Variants in LRP1B observed in about 807,000 individuals in gnomAD.
The protein encoded by LRP1B is low-density lipoprotein receptor-related protein 1B.
In LRP1B, 217 loss-of-function variants were observed where a neutral mutation model predicts 556.6. The ratio of observed to expected loss-of-function variants is 0.39; its 90% CI spans 0.35 to 0.44. The LOEUF (loss-of-function observed/expected upper bound fraction) is 0.44, where lower values mean the gene tolerates loss of function less well. Among genes scored for constraint, LRP1B ranks in the 20% least tolerant of loss-of-function variants. LRP1B has a pLI of 1.00. For missense variants in LRP1B, 5,053 were observed against 5,620.8 expected (o/e 0.90, Z 3.23); for synonymous variants, 2,047 against 1,865.8 (o/e 1.10, Z -2.50).
Position 140,353,572 on chromosome 2 carries a change from C to A in LRP1B, c.11531-500G>T, listed in dbSNP as rs75674200. ...TTTCATCCCGTAATGCCCTTGCCCA[C>A]TTTTCCATACAGAATTTCTACTCAT... On this transcript the variant is annotated intron_variant, in intron 75 of 90. Transcript: ENST00000389484. Among the ~76,000 whole-genome samples, 945 of 152,138 alleles carry A rather than the reference C, an allele frequency of 6.2e-3. 6 individuals carry two copies. Among genetic ancestry groups the A allele is most frequent in the African/African-American group, 0.022 (904 of 41,540 alleles).
chr2:140,874,875 G>A (rs536369925), intron 25 of LRP1B, among the ~76,000 whole-genome samples: 12 of 151,714 alleles, frequency 7.9e-5, no homozygotes, highest in South Asian at 4.2e-4. Flanking sequence ...AAAAAATAGC[G>A]GGGCGTGGTG....
intron 7 of LRP1B, among the ~76,000 whole-genome samples, chr2:141,073,252 G>T (rs951395172): frequency 2.0e-5 from 3 of 151,902 alleles, no homozygotes. Context: ...TCTTACAGAA[G>T]TTACCAAGTA....
chr2:140,485,587 C>A (rs1170818644), intron 58 of LRP1B, 63 bp from the exon 59 acceptor site: 1 of 1,205,188 alleles, frequency 8.3e-7, no homozygotes, highest in Admixed American at 2.4e-5. Context: ...TGAGCAATTG[C>A]TTCTTGATTT....
chr2:140,334,355 G>T (rs1457990819), intron 79 of LRP1B, 98 bp downstream of exon 79: 3 of 755,950 alleles, frequency 4.0e-6, no homozygotes, highest in African/African-American at 3.6e-5. Context: ...TTATCCACTT[G>T]TAAAAATACT....
At chr2:141,677,039 T>C (rs1024791478) in intron 2 of LRP1B, among the ~76,000 whole-genome samples, 2 of 152,152 alleles carry the variant, frequency 1.3e-5, no homozygotes, top group Non-Finnish European at 2.9e-5. Context: ...ACAATTGTGA[T>C]AACTCTTATG....
intron 89 of LRP1B, among the ~76,000 whole-genome samples, chr2:140,236,110 G>GA (rs1478048940): frequency 3.3e-5 from 5 of 150,856 alleles, no homozygotes; most frequent in African/African-American, 4.8e-5. Context: ...TGTCTAATTA[G>GA]AAAAATATAA....
intron 3 of LRP1B, among the ~76,000 whole-genome samples, chr2:141,417,535 G>T (rs190547264): frequency 1.3e-5 from 2 of 152,006 alleles, no homozygotes; most frequent in Non-Finnish European, 2.9e-5. Context: ...CATCCTTTAG[G>T]TGCATCTATG....
intron 3 of LRP1B, among the ~76,000 whole-genome samples, chr2:141,287,419 T>C (rs1006236495): frequency 2.6e-5 from 4 of 151,476 alleles, no homozygotes; most frequent in Non-Finnish European, 5.9e-5. Context: ...GCCTCCTGGG[T>C]TCACGCCATT....
chr2:140,466,150 C>T (rs1270651288), intron 60 of LRP1B, among the ~76,000 whole-genome samples: 2 of 140,204 alleles, frequency 1.4e-5, no homozygotes, highest in Non-Finnish European at 3.0e-5. Context: ...TGGTGGGCTA[C>T]AGTGGATATC....
intron 3 of LRP1B, among the ~76,000 whole-genome samples, chr2:141,348,714 G>A (rs1688340943): frequency 1.3e-5 from 2 of 151,902 alleles, no homozygotes; most frequent in Admixed American, 1.3e-4. Flanking sequence ...AATCCATGAA[G>A]ATTTTGCTAG....
chr2:140,260,817 C>A (rs951706961), intron 86 of LRP1B, among the ~76,000 whole-genome samples: 2 of 151,784 alleles, frequency 1.3e-5, no homozygotes, highest in Non-Finnish European at 2.9e-5. Flanking sequence ...CTGGTTTTCT[C>A]TTAACAGCTT....
intron 31 of LRP1B, among the ~76,000 whole-genome samples, chr2:140,815,947 G>A (rs1231607124): frequency 1.3e-5 from 2 of 150,530 alleles, no homozygotes; most frequent in Non-Finnish European, 2.9e-5. Flanking sequence ...CTAGAGGAAA[G>A]AGGCTTTGTC....
At chr2:141,087,788 C>T (rs78855870) in intron 7 of LRP1B, among the ~76,000 whole-genome samples, 2,693 of 152,202 alleles carry the variant, frequency 0.018, 36 homozygotes, top group South Asian at 0.029. Context: ...GAGGTGTCTG[C>T]GAAATGCAGA....
At chr2:141,033,567 C>T (rs767868945) in intron 11 of LRP1B, among the ~76,000 whole-genome samples, 1 of 151,732 alleles carries the variant, frequency 6.6e-6, no homozygotes, top group Non-Finnish European at 1.5e-5. Flanking sequence ...TATGTTGAAG[C>T]CCTAATTAGC....
intron 2 of LRP1B, among the ~76,000 whole-genome samples, chr2:141,702,189 A>G (rs1178075336): frequency 6.6e-6 from 1 of 151,916 alleles, no homozygotes; most frequent in Admixed American, 6.6e-5. Flanking sequence ...GACCATGGTT[A>G]GATCAATTGG....
intron 20 of LRP1B, among the ~76,000 whole-genome samples, chr2:140,947,237 T>G (rs1480686144): frequency 6.6e-6 from 1 of 152,184 alleles, no homozygotes. Context: ...GAACTTAAAT[T>G]TAGAAATTTT....
rs570604338 is a variant in LRP1B, at chr2:140,993,963, A to G, written c.2644+32T>C. 6.8e-6 allele frequency: 11 copies of G among 1,606,068 alleles called. No individual in the cohort carries two copies. The South Asian group carries it at 7.7e-5, about 11-fold the overall frequency. On this transcript the variant is annotated intron_variant, in intron 16 of 90. Transcript: ENST00000389484. ...CACACACTCAAAGACTCAGGAAAAT[A>G]CAATTTTTAGGTGACTTGGAAGAGA...
At chr2:140,236,386 T>C (rs1680699550) in intron 89 of LRP1B, among the ~76,000 whole-genome samples, 1 of 150,940 alleles carries the variant, frequency 6.6e-6, no homozygotes, top group Admixed American at 6.6e-5. Context: ...AAATAACTAT[T>C]CAATAAATAA....
At chr2:141,532,210 G>T (rs181948759) in intron 2 of LRP1B, among the ~76,000 whole-genome samples, 1 of 151,936 alleles carries the variant, frequency 6.6e-6, no homozygotes, top group South Asian at 2.1e-4. Context: ...AAGAACATCT[G>T]TTCAGAAATG....
Sources: gnomAD v4.1 joint callset for allele counts (sites outside exome capture counted in the v4.1 genomes callset) on GRCh38, gnomAD v4.1.1 for gene constraint, MANE v1.5 for transcripts, NCBI Gene and HGNC (gene_info 2026-07-23, HGNC 2026-07-21) for gene names.